MSANTD1: variants seen among roughly 807,000 people sequenced by gnomAD.
The protein encoded by MSANTD1 is myb/SANT-like DNA-binding domain-containing protein 1.
A neutral mutation model predicts 24.2 loss-of-function variants in MSANTD1; 7 were observed. That is an observed-to-expected ratio of 0.29 (90% CI 0.16 to 0.54). The LOEUF (loss-of-function observed/expected upper bound fraction) is 0.54. Among genes scored for constraint, MSANTD1 ranks in the 20% least tolerant of loss-of-function variants. The pLI is 0.94. For missense variants in MSANTD1, 384 were observed against 408.2 expected (o/e 0.94, Z 0.51); for synonymous variants, 177 against 181.1 (o/e 0.98, Z 0.18).
upstream of MSANTD1, chr4:3,246,623 G>T (rs558383636): frequency 8.7e-6 from 6 of 693,302 alleles, no homozygotes; most frequent in African/African-American, 5.3e-5. Context: ...GGCCCTAGGA[G>T]ACCCCGTAGC....
At chr4:3,249,066 G>C (rs1372979333), upstream of MSANTD1, 5 of 585,550 alleles carry the variant, frequency 8.5e-6, no homozygotes, top group Non-Finnish European at 8.0e-6. Flanking sequence ...GGTTTCTGTT[G>C]TTGTAGCTTA....
chr4:3,246,807 G>A, upstream of MSANTD1: 1 of 576,148 alleles, frequency 1.7e-6, no homozygotes, highest in Non-Finnish European at 3.1e-6. Context: ...TCTGCCTCGG[G>A]AAAGGCCATG....
chr4:3,250,096 C>A (rs1051102293), intron 1 of MSANTD1, among the ~76,000 whole-genome samples: 16 of 152,070 alleles, frequency 1.1e-4, no homozygotes, highest in African/African-American at 3.9e-4. Context: ...GCCGGTGAGC[C>A]CCACTGGGGC....
At chr4:3,246,727 C>A, upstream of MSANTD1, 1 of 670,064 alleles carries the variant, frequency 1.5e-6, no homozygotes. Flanking sequence ...GCAGGAGCAG[C>A]TGGGTGCCTG....
chr4:3,253,798 G>A lies in MSANTD1; in HGVS notation c.596+316G>A, dbSNP rs1167963880. Among the ~76,000 whole-genome samples, 5 of 152,352 alleles carry A rather than the reference G, an allele frequency of 3.3e-5. No individual in the cohort carries two copies. In the East Asian group the frequency reaches 5.8e-4, roughly 18 times the overall value. On this transcript the variant is annotated intron_variant, in intron 2 of 2. Coordinates refer to ENST00000438480, the MANE Select transcript of MSANTD1 (RefSeq NM_001042690.2). ...TCAGAGGGTGGCTGGGAGCATCACAGGAGAGAAGACGCAGCATGGGGCCCG... is the reference window on the plus strand; with the variant it reads ...TCAGAGGGTGGCTGGGAGCATCACAAGAGAGAAGACGCAGCATGGGGCCCG...
At position 3,249,480 on chromosome 4, in the gene MSANTD1, C is replaced by T. The variant is rs749088059; in HGVS notation, c.258C>T (p.Thr86=). Residue 86 remains threonine, a synonymous_variant, in exon 1 of 3, where the codon ACC becomes ACT. Transcript: ENST00000438480. ...TGGCCAGCAAGCTCTTCGAGATGAC[C>T]GGCGAGCGCAGGCTGGGCGAGGAGA... ...EKMASKLFEM[T]GERRLGEEIK... 44 of 1,612,004 alleles carry T rather than the reference C, an allele frequency of 2.7e-5. No homozygotes were observed. The highest frequency in any genetic ancestry group is 3.5e-5 in the Non-Finnish European group (41 of 1,179,728).
At chr4:3,250,406 G>T (rs1364764795) in intron 1 of MSANTD1, among the ~76,000 whole-genome samples, 1 of 152,198 alleles carries the variant, frequency 6.6e-6, no homozygotes, top group Non-Finnish European at 1.5e-5. Context: ...AAAGTGCGTG[G>T]GTCCCCAGCC....
chr4:3,249,442 G>A lies in MSANTD1; in HGVS notation c.220G>A (p.Val74Met). The A allele has an allele frequency of 6.2e-7, 1 of 1,610,906 alleles. No homozygotes were observed. The highest frequency in any genetic ancestry group is 8.5e-7 in the Non-Finnish European group (1 of 1,179,332). The change falls in exon 1 of 3, where the codon GTG becomes ATG. Residue 74 changes from valine to methionine, a missense_variant. Transcript: ENST00000438480. The stretch of plus-strand genomic sequence containing the variant: ...CAAGCAGACCAAGCGCAACGCCAAG[G>A]TGTACGAGAAGATGGCCAGCAAGCT... ...ELKQTKRNAK[V>M]YEKMASKLFE...
At chr4:3,251,951 G>A (rs980606880) in intron 1 of MSANTD1, among the ~76,000 whole-genome samples, 9 of 152,198 alleles carry the variant, frequency 5.9e-5, no homozygotes, top group Non-Finnish European at 1.0e-4. Context: ...TCACAGCCAC[G>A]TGCCACCCTG....
intron 2 of MSANTD1, 29 bp from the exon 3 acceptor site, chr4:3,255,696 C>T: frequency 6.7e-7 from 1 of 1,500,440 alleles, no homozygotes. Context: ...CTGTGGCCAG[C>T]ACGTCCACAG....
At chr4:3,255,179 C>A (rs559248457) in intron 2 of MSANTD1, among the ~76,000 whole-genome samples, 2 of 152,224 alleles carry the variant, frequency 1.3e-5, no homozygotes, top group Non-Finnish European at 2.9e-5. Flanking sequence ...TCATTGGGGT[C>A]ATCCGCTAGT....
At position 3,249,292 on chromosome 4, in the gene MSANTD1, GCGGCGGCCGAGGGGCCCGGCTACCT is replaced by G; in HGVS notation, c.73_97del (p.Ala25CysfsTer53). The G allele has an allele frequency of 6.5e-7, 1 of 1,529,162 alleles. No individual in the cohort carries two copies. Among genetic ancestry groups the G allele is most frequent in the Non-Finnish European group, 8.8e-7 (1 of 1,133,272 alleles). 94.7% of individuals were successfully genotyped at this position (1,529,162 alleles called of 1,614,324 possible). On this transcript the variant is annotated frameshift_variant, in exon 1 of 3. Coordinates refer to ENST00000438480, the MANE Select transcript of MSANTD1 (RefSeq NM_001042690.2). LOFTEE classifies it high-confidence loss of function. ...TCACCCCACAGGCGCCTCCGGCATG[GCGGCGGCCGAGGGGCCCGGCTACCT>G]CGTGTCTCCCCAGGCGGAGAAGCAC...
chr4:3,244,413 C>G (rs1560613017), upstream of MSANTD1: 1 of 152,382 alleles, frequency 6.6e-6, no homozygotes, highest in South Asian at 2.1e-4. Flanking sequence ...ACCCTTCCAC[C>G]TCCTTGGCCA....
At chr4:3,246,625 C>G (rs1324641592), upstream of MSANTD1, 9 of 694,638 alleles carry the variant, frequency 1.3e-5, no homozygotes, top group Non-Finnish European at 2.1e-5. Flanking sequence ...CCCTAGGAGA[C>G]CCCGTAGCGA....
At chr4:3,253,561 A>T in intron 2 of MSANTD1, 79 bp downstream of exon 2, 1 of 1,397,910 alleles carries the variant, frequency 7.2e-7, no homozygotes, top group Non-Finnish European at 9.3e-7. Context: ...GGGAGTGGCA[A>T]GGCCGGCGGC....
upstream of MSANTD1, chr4:3,249,000 G>T: frequency 2.5e-6 from 1 of 403,250 alleles, no homozygotes; most frequent in Non-Finnish European, 4.3e-6. Context: ...TGGCCCGCTC[G>T]CCGCAATATT....
Position 3,255,899 on chromosome 4 carries a change from G to C in MSANTD1, c.771G>C (p.Gln257His), listed in dbSNP as rs1179838362. The C allele has an allele frequency of 6.5e-7, 1 of 1,545,640 alleles. No homozygotes were observed. The highest frequency in any genetic ancestry group is 8.7e-7 in the Non-Finnish European group (1 of 1,146,078). ...ACCAGCAGCACATCCTGCAGGTGCAGAGCCTGCAGCTGCAGGAGCGCATGA... is the reference window on the plus strand; with the variant it reads ...ACCAGCAGCACATCCTGCAGGTGCACAGCCTGCAGCTGCAGGAGCGCATGA... Reference protein sequence around the residue: ...VLDQQHILQVQSLQLQERMMS... With the variant: ...VLDQQHILQVHSLQLQERMMS... Residue 257 changes from glutamine (Q) to histidine (H), a missense_variant, in exon 3 of 3, where the codon CAG becomes CAC. Coordinates refer to ENST00000438480, the MANE Select transcript of MSANTD1 (RefSeq NM_001042690.2).
chr4:3,245,488 G>A (rs1487607494), upstream of MSANTD1: 2 of 152,374 alleles, frequency 1.3e-5, no homozygotes, highest in Non-Finnish European at 2.9e-5. Flanking sequence ...TACATGATGT[G>A]ACACAGCCAA....
In MSANTD1 at chr4:3,256,160, A is replaced by G. The variant is rs1370364449; in HGVS notation, c.*195A>G. 2 of 595,252 alleles carry G rather than the reference A, an allele frequency of 3.4e-6. No individual in the cohort carries two copies. The highest frequency in any genetic ancestry group is 5.4e-6 in the Non-Finnish European group (2 of 370,484). 36.9% of individuals were successfully genotyped at this position (595,252 alleles called of 1,614,324 possible). ...CAGGCCCTGGGGACCGTGAGGCTCC[A>G]GTCTCCAGCATGAATGCCCTTCCTC... On this transcript the variant is annotated 3_prime_UTR_variant, in exon 3 of 3. Transcript: ENST00000438480.
Sources: allele counts gnomAD v4.1 joint callset (sites outside exome capture counted in the v4.1 genomes callset), GRCh38; gene constraint gnomAD v4.1.1; transcripts MANE v1.5; gene names NCBI Gene and HGNC (gene_info 2026-07-23, HGNC 2026-07-21).